DOCK3: variants seen among roughly 807,000 people sequenced by gnomAD.
DOCK3 encodes dedicator of cytokinesis protein 3.
DOCK3 carries 60 observed loss-of-function variants against 265.6 expected under a neutral mutation model. The ratio of observed to expected loss-of-function variants is 0.23; its 90% CI spans 0.18 to 0.28. DOCK3 has a LOEUF of 0.28. Among genes scored for constraint, DOCK3 ranks in the 10% least tolerant of loss-of-function variants. The pLI is 1.00. For synonymous variants in DOCK3, 881 were observed against 938.0 expected (o/e 0.94, Z 1.11); for missense variants, 1,981 against 2,594.3 (o/e 0.76, Z 5.14).
At chr3:50,974,354 A>G (rs1023589897) in intron 5 of DOCK3, among the ~76,000 whole-genome samples, 26 of 152,082 alleles carry the variant, frequency 1.7e-4, no homozygotes, top group Non-Finnish European at 2.9e-4. Flanking sequence ...AGCTTTCTGC[A>G]TATGGCTAGC....
At chr3:51,248,976 T>C (rs1477587407) in intron 22 of DOCK3, among the ~76,000 whole-genome samples, 1 of 132,624 alleles carries the variant, frequency 7.5e-6, no homozygotes. Flanking sequence ...CTATGAGAAG[T>C]GAGGAGCCTC....
chr3:50,806,363 C>A (rs879590980), intron 2 of DOCK3, among the ~76,000 whole-genome samples: 1 of 151,970 alleles, frequency 6.6e-6, no homozygotes, highest in Admixed American at 6.5e-5. Context: ...TGAGGGCGGC[C>A]TGTGGGACTT....
intron 10 of DOCK3, among the ~76,000 whole-genome samples, chr3:51,150,384 A>G (rs1240270950): frequency 3.3e-5 from 5 of 151,846 alleles, no homozygotes; most frequent in African/African-American, 4.8e-5. Flanking sequence ...GCTAGCTTTT[A>G]AATGTGTTTG....
At chr3:51,279,549 G>A (rs1054433895) in intron 26 of DOCK3, among the ~76,000 whole-genome samples, 1 of 152,148 alleles carries the variant, frequency 6.6e-6, no homozygotes, top group African/African-American at 2.4e-5. Context: ...TTGTCTTAAA[G>A]CCCATAGCTT....
rs2083135016 is a variant in DOCK3 at position 51,312,542 on chromosome 3, A to G, written c.3160A>G (p.Ile1054Val). 6.2e-7 allele frequency: 1 copy of G among 1,600,434 alleles called. No individual in the cohort carries two copies. The highest frequency in any genetic ancestry group is 8.5e-7 in the Non-Finnish European group (1 of 1,176,904). ...INQPSLQLEI[I>V]TSAKRKKILD... is the part of the protein sequence containing the mutation. ...TCAGCCAAGCCTTCAGCTAGAAATT[A>G]TCACCTCAGCCAAAAGGAAGAAGAT... Residue 1054 changes from isoleucine (I) to valine (V), a missense_variant, in exon 30 of 53, where the codon ATC (isoleucine) becomes GTC (valine). By Grantham distance (29) the Ile-to-Val change is conservative (BLOSUM62 3). This residue lies in a region of DOCK3 where 1,357 missense variants were observed against 1,866.8 expected (regional missense o/e 0.73). Coordinates refer to ENST00000266037, the MANE Select transcript of DOCK3 (RefSeq NM_004947.5).
At chr3:50,931,240 C>T (rs1240425890) in intron 4 of DOCK3, among the ~76,000 whole-genome samples, 1 of 152,220 alleles carries the variant, frequency 6.6e-6, no homozygotes, top group Non-Finnish European at 1.5e-5. Context: ...TCTCTCTCCA[C>T]CTGCTTACCT....
Position 51,300,736 on chromosome 3 carries a change from A to G in DOCK3, c.2923-9496A>G, listed in dbSNP as rs376052299. Among the ~76,000 whole-genome samples the G allele has an allele frequency of 2.6e-5, 4 of 152,234 alleles. No individual in the cohort carries two copies. In the South Asian group the frequency reaches 6.2e-4, roughly 24 times the overall value. On this transcript the variant is annotated intron_variant, in intron 27 of 52. Coordinates refer to ENST00000266037, the MANE Select transcript of DOCK3 (RefSeq NM_004947.5). ...TTTGTGTATGTTGAACCAGCCTTGC[A>G]TCCCAGGGATGAAGCCAACCTGATC... is the stretch of plus-strand genomic sequence containing the variant.
chr3:51,120,361 T>G (rs554993827), intron 9 of DOCK3, among the ~76,000 whole-genome samples: 1 of 151,678 alleles, frequency 6.6e-6, no homozygotes, highest in Admixed American at 6.5e-5. Flanking sequence ...GGGGCACCCA[T>G]TGGGTGCCAG....
At chr3:50,875,598 C>A (rs997516511) in intron 3 of DOCK3, among the ~76,000 whole-genome samples, 1 of 152,108 alleles carries the variant, frequency 6.6e-6, no homozygotes, top group Admixed American at 6.5e-5. Flanking sequence ...TGTGATATAT[C>A]ATGTTTATTG....
intron 5 of DOCK3, among the ~76,000 whole-genome samples, chr3:51,064,049 C>T (rs926030893): frequency 2.6e-5 from 4 of 152,202 alleles, no homozygotes; most frequent in African/African-American, 4.8e-5. Flanking sequence ...GATATCTCTC[C>T]TGGAGAAACC....
intron 5 of DOCK3, among the ~76,000 whole-genome samples, chr3:50,978,499 C>G (rs6776696): frequency 1.1e-4 from 17 of 152,174 alleles, no homozygotes; most frequent in African/African-American, 3.9e-4. Context: ...GCAGTCTGCC[C>G]GTTCTCAGAT....
chr3:50,893,027 C>G (rs866199375), intron 4 of DOCK3, among the ~76,000 whole-genome samples: 2 of 152,076 alleles, frequency 1.3e-5, no homozygotes, highest in South Asian at 2.1e-4. Flanking sequence ...CCCTGAGACT[C>G]TCAGGCTGGA....
chr3:50,868,721 G>T (rs1187272195), intron 3 of DOCK3, among the ~76,000 whole-genome samples: 3 of 151,810 alleles, frequency 2.0e-5, no homozygotes, highest in African/African-American at 7.3e-5. Context: ...TTCAGGTTTT[G>T]GATTTCTTTA....
rs915664885 is a variant in DOCK3 at position 50,851,052 on chromosome 3, C to G, written c.162+9337C>G. Among the ~76,000 whole-genome samples, 7 of 152,152 alleles carry G rather than the reference C, an allele frequency of 4.6e-5. No individual in the cohort carries two copies. In the East Asian group the frequency reaches 1.3e-3, roughly 29 times the overall value. On this transcript the variant is annotated intron_variant, in intron 3 of 52. Coordinates refer to ENST00000266037, the MANE Select transcript of DOCK3 (RefSeq NM_004947.5). The stretch of plus-strand genomic sequence containing the variant: ...GGTCCTCTAGTGCTGGCACAAGCAC[C>G]AGCACTGAGGGAGAATACAGTGGGT...
At chr3:50,759,262 G>A (rs926437735) in intron 1 of DOCK3, among the ~76,000 whole-genome samples, 3 of 151,902 alleles carry the variant, frequency 2.0e-5, no homozygotes, top group Non-Finnish European at 4.4e-5. Flanking sequence ...TGATTATTCT[G>A]TTTAATTTTT....
At chr3:50,782,293 T>TTTTTTA (rs2041957493) in intron 2 of DOCK3, among the ~76,000 whole-genome samples, 1 of 135,006 alleles carries the variant, frequency 7.4e-6, no homozygotes, top group Non-Finnish European at 1.6e-5. Context: ...CCTGTTATTT[T>TTTTTTA]TTTTTTTTTT....
intron 1 of DOCK3, among the ~76,000 whole-genome samples, chr3:50,708,744 CT>C (rs1042246996): frequency 2.6e-5 from 4 of 152,150 alleles, no homozygotes; most frequent in Non-Finnish European, 4.4e-5. Flanking sequence ...TCTCATTTAC[CT>C]TTTTTTCACA....
intron 5 of DOCK3, among the ~76,000 whole-genome samples, chr3:51,001,672 G>A (rs1361864088): frequency 6.6e-6 from 1 of 152,058 alleles, no homozygotes; most frequent in Admixed American, 6.5e-5. Context: ...GAATAGGAGT[G>A]GAATCACTAG....
chr3:51,335,369 T>C (rs1159905660), intron 35 of DOCK3, among the ~76,000 whole-genome samples: 1 of 152,234 alleles, frequency 6.6e-6, no homozygotes, highest in African/African-American at 2.4e-5. Flanking sequence ...TCACTTGTAT[T>C]TTCCCTTCAG....
Sources: allele counts gnomAD v4.1 joint callset (sites outside exome capture counted in the v4.1 genomes callset), GRCh38; gene constraint gnomAD v4.1.1; regional missense constraint gnomAD v4.1.1; transcripts MANE v1.5; gene names NCBI Gene and HGNC (gene_info 2026-07-23, HGNC 2026-07-21).